RBFOX1: variants seen among roughly 807,000 people sequenced by gnomAD.
RBFOX1 encodes RNA binding protein fox-1 homolog 1.
RBFOX1 carries 8 observed loss-of-function variants against 57.7 expected under a neutral mutation model. The ratio of observed to expected loss-of-function variants is 0.14; its 90% CI spans 0.08 to 0.25. The LOEUF (loss-of-function observed/expected upper bound fraction) is 0.25. Among genes scored for constraint, RBFOX1 ranks in the 10% least tolerant of loss-of-function variants. The probability of loss-of-function intolerance (pLI) is 1.00; values close to 1 mark genes in which losing one functional copy is unlikely to be tolerated. For synonymous variants in RBFOX1, 326 were observed against 222.4 expected (o/e 1.47, Z -4.15); for missense variants, 611 against 548.5 (o/e 1.11, Z -1.14).
intron 2 of RBFOX1, among the ~76,000 whole-genome samples, chr16:6,507,329 A>G (rs1209666520): frequency 6.6e-6 from 1 of 152,152 alleles, no homozygotes; most frequent in Non-Finnish European, 1.5e-5. Flanking sequence ...TTAAATGGGT[A>G]TACAGAATGT....
intron 2 of RBFOX1, among the ~76,000 whole-genome samples, chr16:6,412,771 G>A (rs1052551731): frequency 1.3e-5 from 2 of 152,154 alleles, no homozygotes; most frequent in South Asian, 2.1e-4. Flanking sequence ...ACCATCTAAT[G>A]ATCTGATTCA....
intron 2 of RBFOX1, among the ~76,000 whole-genome samples, chr16:6,478,181 C>G (rs1486310159): frequency 7.9e-6 from 1 of 127,266 alleles, no homozygotes; most frequent in African/African-American, 2.8e-5. Flanking sequence ...ACATTCACAA[C>G]TTGGCTAGTT....
chr16:6,386,116 T>G (rs918110353), intron 2 of RBFOX1, among the ~76,000 whole-genome samples: 2 of 152,076 alleles, frequency 1.3e-5, no homozygotes, highest in African/African-American at 2.4e-5. Context: ...TTTGTATTTT[T>G]AGTAGAGACG....
intron 5 of RBFOX1, among the ~76,000 whole-genome samples, chr16:7,529,218 G>A (rs1346246257): frequency 6.6e-6 from 1 of 152,142 alleles, no homozygotes; most frequent in African/African-American, 2.4e-5. Context: ...CTGAGATCAT[G>A]CCACCACACT....
intron 4 of RBFOX1, among the ~76,000 whole-genome samples, chr16:7,222,212 C>G (rs2092782554): frequency 1.3e-5 from 2 of 152,172 alleles, no homozygotes; most frequent in Admixed American, 1.3e-4. Context: ...AGGTGGTTCA[C>G]AAAGGGCCTT....
intron 3 of RBFOX1, among the ~76,000 whole-genome samples, chr16:6,687,576 C>T (rs1178322502): frequency 3.3e-5 from 5 of 152,182 alleles, no homozygotes; most frequent in African/African-American, 1.2e-4. Context: ...AAGCTTATTT[C>T]TTGCCACATA....
At chr16:6,830,443 A>C (rs1331015108) in intron 3 of RBFOX1, among the ~76,000 whole-genome samples, 1 of 152,190 alleles carries the variant, frequency 6.6e-6, no homozygotes, top group Non-Finnish European at 1.5e-5. Flanking sequence ...CAGGGACCGT[A>C]AGAGGAAGAC....
At chr16:7,132,983 C>T (rs528275769) in intron 4 of RBFOX1, among the ~76,000 whole-genome samples, 4 of 152,158 alleles carry the variant, frequency 2.6e-5, no homozygotes, top group Admixed American at 6.5e-5. Flanking sequence ...GAAAACAAAC[C>T]GTTATACCAG....
chr16:5,789,975 G>T (rs767174272), intron 3 of RBFOX1, among the ~76,000 whole-genome samples: 2 of 152,168 alleles, frequency 1.3e-5, no homozygotes, highest in Non-Finnish European at 2.9e-5. Context: ...TACACCTCAC[G>T]GGCTTCATGC....
At chr16:6,578,637 T>A (rs149890579) in intron 2 of RBFOX1, among the ~76,000 whole-genome samples, 911 of 43,716 alleles carry the variant, frequency 0.021, 5 homozygotes, top group Non-Finnish European at 0.042. Flanking sequence ...CAGAGGGACA[T>A]AGGAAGAGAC....
At chr16:5,472,623 G>A (rs1156700990) in intron 2 of RBFOX1, among the ~76,000 whole-genome samples, 1 of 152,104 alleles carries the variant, frequency 6.6e-6, no homozygotes, top group Non-Finnish European at 1.5e-5. Flanking sequence ...TGATTTCTGT[G>A]CTGCCCTCCT....
chr16:7,144,646 C>T (rs1441585314), intron 4 of RBFOX1, among the ~76,000 whole-genome samples: 1 of 152,048 alleles, frequency 6.6e-6, no homozygotes, highest in South Asian at 2.1e-4. Context: ...AGAGAGCCCT[C>T]CCTTCCTGCC....
intron 2 of RBFOX1, among the ~76,000 whole-genome samples, chr16:6,478,244 A>T (rs2095304978): frequency 7.5e-6 from 1 of 132,998 alleles, no homozygotes; most frequent in African/African-American, 2.9e-5. Flanking sequence ...TTTTTTTGAG[A>T]CGGAGTCTCT....
intron 2 of RBFOX1, among the ~76,000 whole-genome samples, chr16:6,560,529 C>T (rs2097167018): frequency 6.6e-6 from 1 of 151,846 alleles, no homozygotes; most frequent in African/African-American, 2.4e-5. Flanking sequence ...AATAGAAGGG[C>T]CAGAGGGAGT....
intron 3 of RBFOX1, among the ~76,000 whole-genome samples, chr16:6,898,822 T>C (rs574500802): frequency 2.6e-5 from 4 of 152,020 alleles, no homozygotes; most frequent in Admixed American, 1.3e-4. Context: ...ATGTGTATAA[T>C]ACATGTGTGT....
At chr16:5,559,520 C>A (rs1460408720) in intron 2 of RBFOX1, among the ~76,000 whole-genome samples, 2 of 152,176 alleles carry the variant, frequency 1.3e-5, no homozygotes, top group Non-Finnish European at 2.9e-5. Context: ...GAAGGCCTGT[C>A]AGGATCGGGC....
intron 3 of RBFOX1, among the ~76,000 whole-genome samples, chr16:6,757,039 T>TA (rs58079935): frequency 6.6e-6 from 1 of 151,932 alleles, no homozygotes; most frequent in African/African-American, 2.4e-5. Flanking sequence ...CCAACAGGTA[T>TA]AAAAAAAATG....
At chr16:5,638,362 G>A (rs1289329558) in intron 3 of RBFOX1, among the ~76,000 whole-genome samples, 5 of 152,180 alleles carry the variant, frequency 3.3e-5, no homozygotes, top group African/African-American at 1.2e-4. Flanking sequence ...ACGTTGTTTG[G>A]TACTTGACAA....
intron 1 of RBFOX1, among the ~76,000 whole-genome samples, chr16:6,295,401 G>C (rs1012973061): frequency 1.3e-5 from 2 of 152,184 alleles, no homozygotes; most frequent in South Asian, 2.1e-4. Flanking sequence ...TGGGATTACA[G>C]GCATAAGCCA....
Sources: gnomAD v4.1 joint callset for allele counts (sites outside exome capture counted in the v4.1 genomes callset) on GRCh38, gnomAD v4.1.1 for gene constraint, MANE v1.5 for transcripts, NCBI Gene and HGNC (gene_info 2026-07-23, HGNC 2026-07-21) for gene names.